FADS2: variants seen among roughly 807,000 people sequenced by gnomAD.
The protein encoded by FADS2 is acyl-CoA 6-desaturase.
A neutral mutation model predicts 61.2 loss-of-function variants in FADS2; 18 were observed. The observed-to-expected ratio is 0.29, with a 90% confidence interval of 0.20 to 0.44. The LOEUF (loss-of-function observed/expected upper bound fraction) is 0.44. Ranked by LOEUF, FADS2 falls within the 20% of genes least tolerant of loss-of-function variation. The probability of loss-of-function intolerance (pLI) is 1.00; values close to 1 mark genes in which losing one functional copy is unlikely to be tolerated. For missense variants in FADS2, 322 were observed against 572.7 expected, an observed-to-expected ratio of 0.56 and a Z score of 4.47; for synonymous variants, 203 against 223.9, an observed-to-expected ratio of 0.91 and a Z score of 0.83.
Position 61,816,573 on chromosome 11 carries a change from G to A in FADS2, c.141+147G>A, listed in dbSNP as rs1342805968. ...CGCTCACCGTGGCATCCTGCCCGGC[G>A]TAGTGGCTGATGACCCGGGAGCCCC... On this transcript the variant is annotated intron_variant, in intron 1 of 11. Transcript: ENST00000257261. The surrounding 1 kb of genome is among the most constrained non-coding windows in gnomAD (Gnocchi z 7.0). 1.9e-6 allele frequency: 3 copies of A among 1,608,126 alleles called. No homozygotes were observed. The highest frequency in any genetic ancestry group is 1.3e-5 in the African/African-American group (1 of 74,998).
Position 61,816,783 on chromosome 11 carries a change from CG to C in FADS2, c.141+360del. 8.6e-6 allele frequency: 13 copies of C among 1,518,156 alleles called. No individual in the cohort carries two copies. Among genetic ancestry groups the C allele is most frequent in the Non-Finnish European group, 1.1e-5 (13 of 1,138,988 alleles). 94.0% of individuals were successfully genotyped at this position (1,518,156 alleles called of 1,614,324 possible). On this transcript the variant is annotated intron_variant, in intron 1 of 11. Transcript: ENST00000257261. The surrounding 1 kb of genome is among the most constrained non-coding windows in gnomAD (Gnocchi z 7.0). Reference sequence around the variant, plus strand: ...TAGCTGGCCTGGCGACGCCGCGCGCCGGGCCAGCAGGGGCTGTCAGGCGCGT... The same window carrying C: ...TAGCTGGCCTGGCGACGCCGCGCGCCGGCCAGCAGGGGCTGTCAGGCGCGT...
rs1164598875 is a variant in FADS2, at chr11:61,816,941, C to G, written c.141+515C>G. On this transcript the variant is annotated intron_variant, in intron 1 of 11. Transcript: ENST00000257261. This position sits in a 1 kb window ranked among gnomAD's most constrained non-coding sequence, Gnocchi z 7.0. Reference sequence around the variant, plus strand: ...GCGCGCGTTCCCATTGGCCGAGCCTCGTGGCGCGGGGAGCGAGATCCCGTC... The same window carrying G: ...GCGCGCGTTCCCATTGGCCGAGCCTGGTGGCGCGGGGAGCGAGATCCCGTC... 1 of 1,378,344 alleles carries G rather than the reference C, an allele frequency of 7.3e-7. No homozygotes were observed. The highest frequency in any genetic ancestry group is 3.8e-5 in the Admixed American group (1 of 26,026). The allele number at this position is 1,378,344 out of a possible 1,614,324, so 85.4% of individuals were successfully genotyped here.
At chr11:61,863,474 C>A in intron 9 of FADS2, 96 bp downstream of exon 9, 2 of 981,692 alleles carry the variant, frequency 2.0e-6, no homozygotes, top group South Asian at 1.4e-5. Flanking sequence ...TGTGCTGGGC[C>A]TCCCGGGGCT....
intron 7 of FADS2, among the ~76,000 whole-genome samples, chr11:61,860,645 T>A (rs2067405671): frequency 6.6e-6 from 1 of 152,212 alleles, no homozygotes; most frequent in Non-Finnish European, 1.5e-5. Flanking sequence ...AGGCCAGGCA[T>A]GGTGGCTCAC....
Position 61,865,017 on chromosome 11 carries a change from A to G in FADS2, c.1158-135A>G. 7.5e-6 allele frequency: 8 copies of G among 1,068,466 alleles called. No individual in the cohort carries two copies. Among genetic ancestry groups the G allele is most frequent in the Non-Finnish European group, 1.1e-5 (8 of 739,758 alleles). The allele number at this position is 1,068,466 out of a possible 1,614,324, so 66.2% of individuals were successfully genotyped here. A position where few individuals can be genotyped will look rare whatever the true frequency, so the allele number is the denominator to read the frequency against. ...CCCCACTGGGCACACACGAGGAGCC[A>G]CACTTTGAGACTGGTCCTGGCTGTG... On this transcript the variant is annotated intron_variant, in intron 10 of 11. Coordinates refer to ENST00000278840, the MANE Select transcript of FADS2 (RefSeq NM_004265.4). This position sits in a 1 kb window ranked among gnomAD's most constrained non-coding sequence, Gnocchi z 4.1.
At chr11:61,817,413 A>G (rs2066997273) in intron 1 of FADS2, among the ~76,000 whole-genome samples, 1 of 152,162 alleles carries the variant, frequency 6.6e-6, no homozygotes, top group Admixed American at 6.5e-5. Context: ...TCTTGTGAAC[A>G]GCATATTTAC....
intron 1 of FADS2, chr11:61,829,385 C>T (rs1565326899): frequency 2.0e-5 from 3 of 152,254 alleles, no homozygotes; most frequent in African/African-American, 7.2e-5. Context: ...CAATGGCTCT[C>T]TCTTTTTAAA....
chr11:61,848,422 A>G (rs1310456641), intron 5 of FADS2, 138 bp downstream of exon 5: 1 of 1,454,610 alleles, frequency 6.9e-7, no homozygotes, highest in Non-Finnish European at 9.5e-7. Context: ...AGGTACGACT[A>G]AGGGGTTGGT....
At chr11:61,851,249 A>T (rs1004339640) in intron 5 of FADS2, among the ~76,000 whole-genome samples, 1 of 152,202 alleles carries the variant, frequency 6.6e-6, no homozygotes, top group African/African-American at 2.4e-5. Context: ...CTGTGTCTCC[A>T]ACAAAGAAAG....
At position 61,816,263 on chromosome 11, in the gene FADS2, T is replaced by C. The variant is rs1297119998; in HGVS notation, c.-23T>C. 1 of 1,598,046 alleles carries C rather than the reference T, an allele frequency of 6.3e-7. No individual in the cohort carries two copies. Among genetic ancestry groups the C allele is most frequent in the Non-Finnish European group, 8.5e-7 (1 of 1,179,586 alleles). On this transcript the variant is annotated 5_prime_UTR_variant, in exon 1 of 12. Transcript: ENST00000257261. The surrounding 1 kb of genome is among the most constrained non-coding windows in gnomAD (Gnocchi z 7.0). ...GGGGTTCTGTCCCCGCCCAGAGACCTGAGGCTCGGGGCTGCAGATGGAATG... is the reference window on the plus strand; with the variant it reads ...GGGGTTCTGTCCCCGCCCAGAGACCCGAGGCTCGGGGCTGCAGATGGAATG...
intron 1 of FADS2, among the ~76,000 whole-genome samples, chr11:61,834,312 G>T (rs2067152774): frequency 6.6e-6 from 1 of 152,248 alleles, no homozygotes. Flanking sequence ...CGTGAGAAAA[G>T]AGTCCTTAGA....
At chr11:61,825,093 A>T (rs1281276047), upstream of FADS2, among the ~76,000 whole-genome samples, 3 of 152,122 alleles carry the variant, frequency 2.0e-5, no homozygotes, top group Non-Finnish European at 4.4e-5. Flanking sequence ...CTGGGATTAT[A>T]GGCATAAGCC....
intron 9 of FADS2, 68 bp from the exon 10 acceptor site, chr11:61,863,639 C>A (rs2135981308): frequency 7.3e-7 from 1 of 1,374,908 alleles, no homozygotes; most frequent in East Asian, 2.3e-5. Context: ...AAGGCTGGGC[C>A]CCCTGGGAAT....
chr11:61,826,666 G>T (rs1055834121), upstream of FADS2, among the ~76,000 whole-genome samples: 1 of 152,176 alleles, frequency 6.6e-6, no homozygotes, highest in Non-Finnish European at 1.5e-5. Flanking sequence ...AGACAGAGAG[G>T]CCTTACTGTC....
At chr11:61,858,070 G>C (rs1031797906) in intron 7 of FADS2, among the ~76,000 whole-genome samples, 13 of 152,198 alleles carry the variant, frequency 8.5e-5, no homozygotes, top group East Asian at 1.9e-4. Flanking sequence ...GGAAGGCTCT[G>C]TTCTGGGCCT....
Position 61,840,614 on chromosome 11 carries a change from C to A in FADS2, c.517-10C>A, listed in dbSNP as rs2067211242. 1.9e-6 allele frequency: 3 copies of A among 1,614,084 alleles called. No individual in the cohort carries two copies. Among genetic ancestry groups the A allele is most frequent in the Non-Finnish European group, 2.5e-6 (3 of 1,179,928 alleles). ...AGGCTGTGACAGCACGTGTGACCCT[C>A]TCTCCCCAGGCCCAAGCTGGATGGC... On this transcript the variant is annotated splice_polypyrimidine_tract_variant and intron_variant, in intron 3 of 11. Transcript: ENST00000278840.
At chr11:61,819,829 T>C (rs2067023741) in intron 1 of FADS2, among the ~76,000 whole-genome samples, 1 of 152,072 alleles carries the variant, frequency 6.6e-6, no homozygotes, top group African/African-American at 2.4e-5. Context: ...ACTCGTCATT[T>C]AGCATTAGGT....
intron 1 of FADS2, among the ~76,000 whole-genome samples, chr11:61,830,121 T>G (rs1214701497): frequency 6.6e-6 from 1 of 152,236 alleles, no homozygotes; most frequent in Non-Finnish European, 1.5e-5. Context: ...GTGAGGAGGT[T>G]GGGTTAATGT....
chr11:61,831,951 A>G (rs2067134760), intron 1 of FADS2, among the ~76,000 whole-genome samples: 1 of 152,164 alleles, frequency 6.6e-6, no homozygotes. Flanking sequence ...AGAACTGTTC[A>G]TCTTCAGCGA....
Sources: allele counts gnomAD v4.1 joint callset (sites outside exome capture counted in the v4.1 genomes callset), GRCh38; gene constraint gnomAD v4.1.1; non-coding constraint Gnocchi (gnomAD v3.1); transcripts MANE v1.5; gene names NCBI Gene and HGNC (gene_info 2026-07-23, HGNC 2026-07-21).